Variants in B3GALT5 observed in about 807,000 individuals in gnomAD.
The protein encoded by B3GALT5 is UDP-Gal:betaGlcNAc beta 1,3-galactosyltransferase, polypeptide 5.
For synonymous variants in B3GALT5, 156 were observed against 158.6 expected (o/e 0.98, Z 0.12); for missense variants, 328 against 396.6 (o/e 0.83, Z 1.47).
Position 39,662,761 on chromosome 21 carries a change from A to G in B3GALT5, c.*1269A>G, listed in dbSNP as rs1472478919. On this transcript the variant is annotated 3_prime_UTR_variant, in exon 4 of 4. Coordinates refer to ENST00000684187, the MANE Select transcript of B3GALT5 (RefSeq NM_001356336.2). Reference sequence around the variant, plus strand: ...ATTCAGCCATGGTCACGTGACATGCAAAGTAATCTTGCTCCTAATTATAGA... The same window carrying G: ...ATTCAGCCATGGTCACGTGACATGCGAAGTAATCTTGCTCCTAATTATAGA... The G allele has an allele frequency of 6.0e-6, 1 of 167,270 alleles. No homozygotes were observed. Among genetic ancestry groups the G allele is most frequent in the African/African-American group, 2.4e-5 (1 of 41,464 alleles). The allele number at this position is 167,270 out of a possible 1,614,324, so 10.4% of individuals were successfully genotyped here. A position where few individuals can be genotyped will look rare whatever the true frequency, so the allele number is the denominator to read the frequency against.
chr21:39,614,594 A>G (rs1203975309), intron 1 of B3GALT5, among the ~76,000 whole-genome samples: 1 of 152,212 alleles, frequency 6.6e-6, no homozygotes, highest in Non-Finnish European at 1.5e-5. Flanking sequence ...GAGATTCTGC[A>G]TACCTCACCA....
rs1042577108 is a variant in B3GALT5, at chr21:39,662,323, CTCATT to C, written c.*836_*840del. 1.8e-5 allele frequency: 3 copies of C among 167,168 alleles called. No homozygotes were observed. The highest frequency in any genetic ancestry group is 7.2e-5 in the African/African-American group (3 of 41,454). The allele number at this position is 167,168 out of a possible 1,614,324, so 10.4% of individuals were successfully genotyped here. On this transcript the variant is annotated 3_prime_UTR_variant, in exon 4 of 4. Coordinates refer to ENST00000684187, the MANE Select transcript of B3GALT5 (RefSeq NM_001356336.2). ...TCCCTTCTGAGCCATCTGCTGCTCT[CTCATT>C]TCATCACCCCAACTGTCCCTTGTTT...
rs1229718227 is a variant in B3GALT5 at position 39,666,056 on chromosome 21, AAG to A, written c.*4566_*4567del. 3 of 152,242 alleles carry A rather than the reference AAG, an allele frequency of 2.0e-5. No individual in the cohort carries two copies. Among genetic ancestry groups the A allele is most frequent in the Admixed American group, 2.0e-4 (3 of 15,278 alleles). The allele number at this position is 152,242 out of a possible 1,614,324, so 9.4% of individuals were successfully genotyped here. On this transcript the variant is annotated 3_prime_UTR_variant, in exon 4 of 4. Coordinates refer to ENST00000684187, the MANE Select transcript of B3GALT5 (RefSeq NM_001356336.2). ...AATGGGTGAACCAGGACTGAAAAAA[AAG>A]AAATATTTTTCAAAGTAAGCCAACA... is the stretch of plus-strand genomic sequence containing the variant.
intron 1 of B3GALT5, among the ~76,000 whole-genome samples, chr21:39,618,964 A>G (rs772326074): frequency 1.2e-4 from 19 of 152,016 alleles, no homozygotes; most frequent in Non-Finnish European, 2.2e-4. Context: ...TTTATTTTTG[A>G]TATGTTGTGA....
chr21:39,613,082 T>A lies in B3GALT5; in HGVS notation c.-392+15T>A. The A allele has an allele frequency of 6.7e-6, 1 of 148,628 alleles. No individual in the cohort carries two copies. Among genetic ancestry groups the A allele is most frequent in the African/African-American group, 2.4e-5 (1 of 40,982 alleles). 9.2% of individuals were successfully genotyped at this position (148,628 alleles called of 1,614,324 possible). A position where few individuals can be genotyped will look rare whatever the true frequency, so the allele number is the denominator to read the frequency against. On this transcript the variant is annotated intron_variant, in intron 1 of 3. Transcript: ENST00000684187. ...CCCCGCGCACGGTAAGGCCCGGGGCTGGGGCGCGGGGCGCGGGGAGCGCTG... is the reference window on the plus strand; with the variant it reads ...CCCCGCGCACGGTAAGGCCCGGGGCAGGGGCGCGGGGCGCGGGGAGCGCTG...
rs1011551777 is a variant in B3GALT5 at position 39,662,108 on chromosome 21, C to T, written c.*616C>T. 4.2e-5 allele frequency: 7 copies of T among 167,182 alleles called. No homozygotes were observed. The highest frequency in any genetic ancestry group is 2.1e-4 in the South Asian group (1 of 4,818). The allele number at this position is 167,182 out of a possible 1,614,324, so 10.4% of individuals were successfully genotyped here. ...GTAGCTGGGATTGAGTCCATGTTAT[C>T]GGCTCGGTACTCAACACAACCCAAG... is the stretch of plus-strand genomic sequence containing the variant. On this transcript the variant is annotated 3_prime_UTR_variant, in exon 4 of 4. Coordinates refer to ENST00000684187, the MANE Select transcript of B3GALT5 (RefSeq NM_001356336.2).
chr21:39,651,657 A>G (rs2079396613), intron 2 of B3GALT5, among the ~76,000 whole-genome samples: 1 of 152,230 alleles, frequency 6.6e-6, no homozygotes, highest in African/African-American at 2.4e-5. Flanking sequence ...CCTCACCCAC[A>G]GTAGTAGAAC....
chr21:39,670,450 G>A lies in B3GALT5; in HGVS notation c.*8958G>A, dbSNP rs533141604. On this transcript the variant is annotated 3_prime_UTR_variant, in exon 4 of 4. Transcript: ENST00000684187. ...GTTGGGGTGGCAGGGTGGAGTTGAG[G>A]GCCTCACTCGTTTTCACCTTTGCAC... The A allele has an allele frequency of 6.6e-6, 1 of 152,250 alleles. No homozygotes were observed. The highest frequency in any genetic ancestry group is 1.5e-5 in the Non-Finnish European group (1 of 68,030). The allele number at this position is 152,250 out of a possible 1,614,324, so 9.4% of individuals were successfully genotyped here. A position where few individuals can be genotyped will look rare whatever the true frequency, so the allele number is the denominator to read the frequency against.
intron 1 of B3GALT5, among the ~76,000 whole-genome samples, chr21:39,615,569 GAATA>G (rs1602249805): frequency 2.0e-5 from 3 of 152,218 alleles, no homozygotes; most frequent in Non-Finnish European, 2.9e-5. Flanking sequence ...TTCACGCATT[GAATA>G]AATATTCTTG....
At chr21:39,614,668 C>T (rs1417632312) in intron 1 of B3GALT5, among the ~76,000 whole-genome samples, 2 of 152,190 alleles carry the variant, frequency 1.3e-5, no homozygotes, top group Non-Finnish European at 2.9e-5. Context: ...GAAGGTGTAG[C>T]CCTCCCTCCT....
At position 39,624,939 on chromosome 21, in the gene B3GALT5, G is replaced by A. The variant is rs559370909; in HGVS notation, c.-392+11872G>A. Among the ~76,000 whole-genome samples, 4 of 151,874 alleles carry A rather than the reference G, an allele frequency of 2.6e-5. No homozygotes were observed. The South Asian group carries it at 6.2e-4, about 24-fold the overall frequency. ...CTCAGTTTACCATCTGACTCCCTCC[G>A]AGGGAGAAGATCATTTGCAGGAAGG... is the stretch of plus-strand genomic sequence containing the variant. On this transcript the variant is annotated intron_variant, in intron 1 of 3. Transcript: ENST00000684187.
chr21:39,659,057 A>G (rs1000639600), intron 2 of B3GALT5, among the ~76,000 whole-genome samples: 7 of 152,140 alleles, frequency 4.6e-5, no homozygotes, highest in Non-Finnish European at 8.8e-5. Context: ...CCTGGGCAAC[A>G]TAGTGAAACC....
intron 1 of B3GALT5, among the ~76,000 whole-genome samples, chr21:39,645,020 G>A (rs2079323968): frequency 6.6e-6 from 1 of 152,112 alleles, no homozygotes; most frequent in South Asian, 2.1e-4. Flanking sequence ...TCATAATCAA[G>A]AGCATGAGCC....
chr21:39,656,976 G>T (rs1602300232), intron 2 of B3GALT5, among the ~76,000 whole-genome samples: 1 of 152,342 alleles, frequency 6.6e-6, no homozygotes, highest in East Asian at 1.9e-4. Flanking sequence ...CCAGAAGGGG[G>T]GCAGTGACCT....
chr21:39,639,347 T>TTTCTTTCTTTCTTTCTTTCTTTCC (rs762994044), intron 1 of B3GALT5, among the ~76,000 whole-genome samples: 1 of 66,736 alleles, frequency 1.5e-5, no homozygotes, highest in Non-Finnish European at 2.9e-5. Context: ...TCTTTCTTTC[T>TTTCTTTCTTTCTTTCTTTCTTTCC]TTCCTTCCTT....
At chr21:39,614,939 G>A (rs2079099844) in intron 1 of B3GALT5, among the ~76,000 whole-genome samples, 1 of 152,208 alleles carries the variant, frequency 6.6e-6, no homozygotes, top group African/African-American at 2.4e-5. Context: ...CTCTCCCCGG[G>A]TGACCGGGAT....
intron 2 of B3GALT5, among the ~76,000 whole-genome samples, chr21:39,651,433 GAC>G (rs1286103305): frequency 6.6e-6 from 1 of 152,208 alleles, no homozygotes; most frequent in Non-Finnish European, 1.5e-5. Flanking sequence ...TTGGCTGGGA[GAC>G]ACAAAGCCTT....
chr21:39,649,244 C>A (rs895979699), intron 2 of B3GALT5, among the ~76,000 whole-genome samples: 1 of 152,258 alleles, frequency 6.6e-6, no homozygotes, highest in Admixed American at 6.5e-5. Flanking sequence ...GACCATGGGC[C>A]CCCTGATGTG....
chr21:39,637,777 T>C (rs904329241), intron 1 of B3GALT5, among the ~76,000 whole-genome samples: 1 of 152,262 alleles, frequency 6.6e-6, no homozygotes, highest in Non-Finnish European at 1.5e-5. Flanking sequence ...AAGGGAATAC[T>C]TGACAAGTCT....
Sources: allele counts gnomAD v4.1 joint callset (sites outside exome capture counted in the v4.1 genomes callset), GRCh38; gene constraint gnomAD v4.1.1; transcripts MANE v1.5; gene names NCBI Gene and HGNC (gene_info 2026-07-23, HGNC 2026-07-21).